The following PSG11 variants were observed in gnomAD, a reference collection of about 807,000 sequenced individuals.
PSG11 encodes the protein pregnancy-specific beta-1-glycoprotein 11.
A neutral mutation model predicts 36.0 loss-of-function variants in PSG11; 42 were observed. The ratio of observed to expected loss-of-function variants is 1.17; its 90% CI spans 0.91 to 1.51. PSG11 has a LOEUF of 1.51. Among genes scored for constraint, PSG11 ranks in the 40% most tolerant of loss-of-function variants. The pLI is 0.00. For missense variants in PSG11, 558 were observed against 403.5 expected (o/e 1.38, Z -3.28); for synonymous variants, 206 against 153.5 (o/e 1.34, Z -2.53).
chr19:43,009,133 C>A (rs1219035892), intron 5 of PSG11, among the ~76,000 whole-genome samples: 21 of 151,368 alleles, frequency 1.4e-4, no homozygotes, highest in South Asian at 6.3e-4. Context: ...TGGGGTGGGG[C>A]CCTTGCCTTC....
intron 3 of PSG11, chr19:43,017,096 G>C (rs1966985740): frequency 6.6e-6 from 1 of 151,354 alleles, no homozygotes; most frequent in Admixed American, 6.6e-5. Flanking sequence ...AGCTGGGAGT[G>C]GGGAGAATCA....
At chr19:43,016,200 A>G (rs1009523820) in intron 3 of PSG11, among the ~76,000 whole-genome samples, 2 of 151,294 alleles carry the variant, frequency 1.3e-5, no homozygotes, top group African/African-American at 4.9e-5. Flanking sequence ...ATGCATGATG[A>G]TCTAAGGGCT....
At chr19:43,021,993 G>T (rs1255659807) in intron 2 of PSG11, among the ~76,000 whole-genome samples, 4 of 151,380 alleles carry the variant, frequency 2.6e-5, no homozygotes, top group Non-Finnish European at 5.9e-5. Context: ...CATAGACAAG[G>T]CTAACCTTGG....
At chr19:43,019,984 C>G (rs547047881) in intron 2 of PSG11, among the ~76,000 whole-genome samples, 2 of 151,372 alleles carry the variant, frequency 1.3e-5, no homozygotes, top group Non-Finnish European at 2.9e-5. Context: ...GATACTTTCT[C>G]TCATTAGACA....
intron 2 of PSG11, among the ~76,000 whole-genome samples, chr19:43,024,278 A>G (rs1313287987): frequency 6.6e-6 from 1 of 151,268 alleles, no homozygotes; most frequent in Non-Finnish European, 1.5e-5. Context: ...TATCTGGAAC[A>G]AGGATTTAGG....
Position 43,008,171 on chromosome 19 carries a change from T to C in PSG11, c.*41-129A>G, listed in dbSNP as rs1413008359. On this transcript the variant is annotated intron_variant, in intron 5 of 5. Coordinates refer to ENST00000320078, the MANE Select transcript of PSG11 (RefSeq NM_002785.3). ...AAAATCTAATGAGAATTTATTATGG[T>C]AAAGACACAGCTCACATAGAAATCT... 1.5e-5 allele frequency: 4 copies of C among 273,780 alleles called. 1 individual carries two copies. Among genetic ancestry groups the C allele is most frequent in the African/African-American group, 2.2e-5 (1 of 45,174 alleles). The allele number at this position is 273,780 out of a possible 1,614,324, so 17.0% of individuals were successfully genotyped here.
chr19:43,012,551 C>T (rs1301290351), intron 4 of PSG11, among the ~76,000 whole-genome samples: 1 of 135,618 alleles, frequency 7.4e-6, no homozygotes, highest in Non-Finnish European at 1.6e-5. Context: ...ATATTAACCT[C>T]AAAAAGAATA....
At chr19:43,022,272 C>A (rs1273940277) in intron 2 of PSG11, among the ~76,000 whole-genome samples, 1 of 151,456 alleles carries the variant, frequency 6.6e-6, no homozygotes, top group Non-Finnish European at 1.5e-5. Context: ...TGAGATTGGT[C>A]TTTTGAGATG....
chr19:43,013,475 A>G (rs1249498375), intron 4 of PSG11, among the ~76,000 whole-genome samples: 1 of 151,468 alleles, frequency 6.6e-6, no homozygotes, highest in Non-Finnish European at 1.5e-5. Flanking sequence ...TATCCAAGGA[A>G]GGAACACAAA....
chr19:43,019,325 C>A, intron 2 of PSG11: 1 of 608,428 alleles, frequency 1.6e-6, no homozygotes, highest in Non-Finnish European at 2.5e-6. Flanking sequence ...GTCATAGCCC[C>A]TGGTGCCTCT....
At chr19:43,019,842 T>G (rs1324604741) in intron 2 of PSG11, 1 of 151,546 alleles carries the variant, frequency 6.6e-6, no homozygotes, top group Non-Finnish European at 1.5e-5. Flanking sequence ...TTTCTGGAAA[T>G]ACATGTGGAT....
chr19:43,009,168 A>T (rs958897337), intron 5 of PSG11, among the ~76,000 whole-genome samples: 1 of 151,442 alleles, frequency 6.6e-6, no homozygotes, highest in South Asian at 2.1e-4. Flanking sequence ...TTTTTTGAAC[A>T]CATGAACTGA....
At chr19:43,010,610 T>C (rs112433811) in intron 4 of PSG11, 20 of 345,140 alleles carry the variant, frequency 5.8e-5, no homozygotes, top group African/African-American at 2.9e-4. Context: ...ACTCTTAGAA[T>C]TGCATTGGTA....
intron 4 of PSG11, among the ~76,000 whole-genome samples, chr19:43,011,088 T>C (rs1402826287): frequency 6.6e-6 from 1 of 151,034 alleles, no homozygotes; most frequent in East Asian, 1.9e-4. Flanking sequence ...TGGTGTCATA[T>C]GGCTAGTGAC....
At chr19:43,014,794 G>C in intron 4 of PSG11, 1 of 1,231,814 alleles carries the variant, frequency 8.1e-7, no homozygotes, top group East Asian at 2.7e-5. Flanking sequence ...GGGATGAGTT[G>C]GTGACAGTGA....
chr19:43,010,052 A>G lies in PSG11; in HGVS notation c.965-11T>C, dbSNP rs1974034445. On this transcript the variant is annotated splice_polypyrimidine_tract_variant and intron_variant, in intron 4 of 5. Coordinates refer to ENST00000320078, the MANE Select transcript of PSG11 (RefSeq NM_002785.3). ...CTAATCCTGGAGGAGCTGTCATGGAAAGAAAAGAAAAGAAGGAATGAAGGT... is the reference window on the plus strand; with the variant it reads ...CTAATCCTGGAGGAGCTGTCATGGAGAGAAAAGAAAAGAAGGAATGAAGGT... 6.2e-7 allele frequency: 1 copy of G among 1,606,068 alleles called. No individual in the cohort carries two copies. Among genetic ancestry groups the G allele is most frequent in the African/African-American group, 1.3e-5 (1 of 74,254 alleles).
intron 2 of PSG11, among the ~76,000 whole-genome samples, chr19:43,024,072 C>T (rs28425669): frequency 0.031 from 4,692 of 151,434 alleles, 420 homozygotes; most frequent in African/African-American, 0.11. Flanking sequence ...ACCTACAAAG[C>T]TTGTCTTTCT....
chr19:43,021,860 G>A (rs1967109461), intron 2 of PSG11, among the ~76,000 whole-genome samples: 1 of 151,314 alleles, frequency 6.6e-6, no homozygotes, highest in Non-Finnish European at 1.5e-5. Context: ...GGAGACTGCA[G>A]GCCTGTCCAG....
chr19:43,012,904 A>C (rs886233642), intron 4 of PSG11, among the ~76,000 whole-genome samples: 2 of 151,506 alleles, frequency 1.3e-5, no homozygotes, highest in African/African-American at 2.4e-5. Context: ...CCCAGTAATC[A>C]ATACAGTGTG....
Sources: gnomAD v4.1 joint callset for allele counts (sites outside exome capture counted in the v4.1 genomes callset) on GRCh38, gnomAD v4.1.1 for gene constraint, MANE v1.5 for transcripts, NCBI Gene and HGNC (gene_info 2026-07-23, HGNC 2026-07-21) for gene names.